The following GSTCD variants were observed in gnomAD, a reference collection of about 807,000 sequenced individuals.
GSTCD encodes the protein glutathione S-transferase C-terminal domain-containing protein.
In GSTCD, 44 loss-of-function variants were observed where a neutral mutation model predicts 68.3. That is an observed-to-expected ratio of 0.64 (90% CI 0.51 to 0.83). GSTCD has a LOEUF of 0.83. Among genes scored for constraint, GSTCD ranks in the 40% least tolerant of loss-of-function variants. The pLI, the probability that GSTCD is intolerant of heterozygous loss-of-function variation, is 0.00. For missense variants in GSTCD, 739 were observed against 735.9 expected (o/e 1.00, Z -0.05); for synonymous variants, 273 against 255.2 (o/e 1.07, Z -0.67).
chr4:105,762,568 G>A (rs978341994), intron 5 of GSTCD, among the ~76,000 whole-genome samples: 21 of 152,252 alleles, frequency 1.4e-4, no homozygotes, highest in South Asian at 8.3e-4. Context: ...ACGGCAGATT[G>A]GTCATGTTTG....
rs1732728623 is a variant in GSTCD at position 105,717,809 on chromosome 4, G to C, written c.196G>C (p.Asp66His). ...TAGAGATAGTTCACTACTAAGAGATGACCTGATCCAGGATGTTGAAATACA... is the reference window on the plus strand; with the variant it reads ...TAGAGATAGTTCACTACTAAGAGATCACCTGATCCAGGATGTTGAAATACA... ...VSRDSSLLRD[D>H]LIQDVEIQII... The change falls in exon 2 of 12, where the codon GAC becomes CAC. Residue 66 changes from aspartate (D) to histidine (H), a missense_variant. By Grantham distance (81) the Asp-to-His change is moderately conservative. Coordinates refer to ENST00000515279, the MANE Select transcript of GSTCD (RefSeq NM_001370181.1). The C allele has an allele frequency of 3.7e-6, 6 of 1,613,950 alleles. No individual in the cohort carries two copies. Among genetic ancestry groups the C allele is most frequent in the Non-Finnish European group, 5.1e-6 (6 of 1,179,872 alleles).
intron 9 of GSTCD, among the ~76,000 whole-genome samples, chr4:105,836,839 A>G (rs1191497756): frequency 6.6e-6 from 1 of 152,242 alleles, no homozygotes; most frequent in Non-Finnish European, 1.5e-5. Context: ...CTTTGTGAAT[A>G]AGACCTATCT....
chr4:105,718,937 A>C, intron 2 of GSTCD, 123 bp from the exon 3 acceptor site: 2 of 724,554 alleles, frequency 2.8e-6, no homozygotes, highest in Non-Finnish European at 4.6e-6. Context: ...CTGATACAAC[A>C]TAAAAGCCTA....
intron 3 of GSTCD, among the ~76,000 whole-genome samples, chr4:105,719,879 G>A (rs1321778106): frequency 6.6e-6 from 1 of 151,748 alleles, no homozygotes; most frequent in African/African-American, 2.4e-5. Flanking sequence ...ATAGTAGAAG[G>A]TCCAAGTCGG....
rs189626012 is a variant in GSTCD at position 105,825,704 on chromosome 4, A to G, written c.1434A>G (p.Leu478=). 1.7e-4 allele frequency: 258 copies of G among 1,512,818 alleles called. No individual in the cohort carries two copies. The highest frequency in any genetic ancestry group is 3.4e-4 in the Middle Eastern group (2 of 5,838). 93.7% of individuals were successfully genotyped at this position (1,512,818 alleles called of 1,614,324 possible). A position where few individuals can be genotyped will look rare whatever the true frequency, so the allele number is the denominator to read the frequency against. ...VTLIENKELS[L]IRAKKRSDEL... ...TAATAGAAAACAAGGAATTATCATT[A>G]ATTCGTGCTAAGAAGAGAAGTGATG... Residue 478 remains leucine, a synonymous_variant, in exon 8 of 12, where the codon TTA becomes TTG. Coordinates refer to ENST00000515279, the MANE Select transcript of GSTCD (RefSeq NM_001370181.1).
At chr4:105,809,820 A>G (rs972428739) in intron 5 of GSTCD, among the ~76,000 whole-genome samples, 3 of 151,500 alleles carry the variant, frequency 2.0e-5, no homozygotes, top group Non-Finnish European at 2.9e-5. Context: ...CTCCTAAGAC[A>G]TTGTTTACAT....
rs755349586 is a variant in GSTCD, at chr4:105,823,064, G to A, written c.1351G>A (p.Gly451Ser). ...PGDRIVDFCS[G>S]GGHVGIVLAH... is the part of the protein sequence containing the mutation. Reference sequence around the variant, plus strand: ...TGACAGAATTGTGGATTTCTGCAGCGGTGGGGTATTTTATCTCTCCTTTCA... The same window carrying A: ...TGACAGAATTGTGGATTTCTGCAGCAGTGGGGTATTTTATCTCTCCTTTCA... The change falls in exon 6 of 12, where the codon GGT becomes AGT. Residue 451 changes from glycine (G) to serine (S), a missense_variant. Gly to Ser is a moderately conservative substitution (Grantham distance 56, BLOSUM62 0). Transcript: ENST00000515279. The A allele has an allele frequency of 9.3e-6, 15 of 1,611,778 alleles. No individual in the cohort carries two copies. The highest frequency in any genetic ancestry group is 2.2e-5 in the South Asian group (2 of 91,004).
intron 5 of GSTCD, among the ~76,000 whole-genome samples, chr4:105,811,692 AG>A (rs1722759563): frequency 6.6e-6 from 1 of 152,048 alleles, no homozygotes; most frequent in African/African-American, 2.4e-5. Flanking sequence ...AATAAAAGAA[AG>A]AAAAAAAAAA....
intron 5 of GSTCD, among the ~76,000 whole-genome samples, chr4:105,756,093 A>G (rs1006160600): frequency 6.6e-6 from 1 of 152,196 alleles, no homozygotes; most frequent in Admixed American, 6.5e-5. Flanking sequence ...CAGATGAACA[A>G]CAGATGAAGA....
At chr4:105,731,188 G>T (rs556881294) in intron 5 of GSTCD, among the ~76,000 whole-genome samples, 52 of 152,152 alleles carry the variant, frequency 3.4e-4, no homozygotes, top group Non-Finnish European at 4.4e-4. Context: ...TTGTTCTTTT[G>T]GCTTAGGATT....
At chr4:105,733,453 A>T (rs1336853164) in intron 5 of GSTCD, among the ~76,000 whole-genome samples, 12 of 152,022 alleles carry the variant, frequency 7.9e-5, no homozygotes, top group Non-Finnish European at 1.8e-4. Flanking sequence ...TGGCCTTCTT[A>T]GTTCTTTTGA....
chr4:105,795,324 G>C (rs1260517800), intron 5 of GSTCD, among the ~76,000 whole-genome samples: 1 of 128,818 alleles, frequency 7.8e-6, no homozygotes, highest in East Asian at 2.4e-4. Flanking sequence ...GATATATCAT[G>C]TTCTCCTTGT....
intron 9 of GSTCD, among the ~76,000 whole-genome samples, chr4:105,835,708 C>T (rs1724086169): frequency 6.6e-6 from 1 of 152,092 alleles, no homozygotes; most frequent in Admixed American, 6.5e-5. Flanking sequence ...CATGTGAGCC[C>T]TGTTTGTGTT....
chr4:105,727,088 C>CTTTT (rs5860809), intron 4 of GSTCD, among the ~76,000 whole-genome samples: 9 of 138,080 alleles, frequency 6.5e-5, no homozygotes, highest in Non-Finnish European at 9.3e-5. Context: ...TTTCTCAAAA[C>CTTTT]TTTTTTTTTT....
intron 5 of GSTCD, among the ~76,000 whole-genome samples, chr4:105,781,394 T>C (rs1404194294): frequency 6.6e-6 from 1 of 151,646 alleles, no homozygotes; most frequent in Non-Finnish European, 1.5e-5. Context: ...AATACAGGCG[T>C]GTGCCATCAT....
chr4:105,825,135 T>G (rs117330545), intron 7 of GSTCD, among the ~76,000 whole-genome samples: 1,974 of 149,072 alleles, frequency 0.013, 17 homozygotes, highest in East Asian at 0.028. Context: ...TTGGTTGGTT[T>G]GTTTGTTTGT....
At chr4:105,838,932 CT>C (rs1255748370) in intron 10 of GSTCD, among the ~76,000 whole-genome samples, 2 of 152,152 alleles carry the variant, frequency 1.3e-5, no homozygotes, top group African/African-American at 2.4e-5. Flanking sequence ...AGGACTTTTA[CT>C]TTCTCTTCCA....
At chr4:105,765,860 G>A (rs1458694045) in intron 5 of GSTCD, among the ~76,000 whole-genome samples, 1 of 152,150 alleles carries the variant, frequency 6.6e-6, no homozygotes, top group Non-Finnish European at 1.5e-5. Context: ...ACCATGTGAA[G>A]AAAGACGTGT....
intron 1 of GSTCD, among the ~76,000 whole-genome samples, chr4:105,717,313 CA>C (rs893243910): frequency 1.3e-5 from 2 of 152,078 alleles, no homozygotes; most frequent in African/African-American, 4.8e-5. Flanking sequence ...AGTGAGACCC[CA>C]AAATACTTGA....
Sources: allele counts gnomAD v4.1 joint callset (sites outside exome capture counted in the v4.1 genomes callset), GRCh38; gene constraint gnomAD v4.1.1; transcripts MANE v1.5; gene names NCBI Gene and HGNC (gene_info 2026-07-23, HGNC 2026-07-21).